Variants in COG6 observed in about 807,000 individuals in gnomAD.
COG6 encodes the protein conserved oligomeric Golgi complex subunit 6.
In COG6, 74 loss-of-function variants were observed where a neutral mutation model predicts 88.8. That is an observed-to-expected ratio of 0.83 (90% CI 0.69 to 1.01). The LOEUF is 1.01. Among genes scored for constraint, COG6 ranks in the 50% least tolerant of loss-of-function variants. The probability of loss-of-function intolerance (pLI) is 0.00; values close to 1 mark genes in which losing one functional copy is unlikely to be tolerated. For synonymous variants in COG6, 286 were observed against 278.7 expected, an observed-to-expected ratio of 1.03 and a Z score of -0.26; for missense variants, 800 against 797.9, an observed-to-expected ratio of 1.00 and a Z score of -0.03.
rs1386107853 is a variant in COG6, at chr13:39,682,223, A to G, written c.747A>G (p.Thr249=). Residue 249 remains threonine, a synonymous_variant, in exon 8 of 19, where the codon ACA becomes ACG. Coordinates refer to ENST00000455146, the MANE Select transcript of COG6 (RefSeq NM_020751.3). ...CATGTGACGTATCTCCAGTATTGACACAGGCAATGGAAGCCCTGCAGGACA... is the reference window on the plus strand; with the variant it reads ...CATGTGACGTATCTCCAGTATTGACGCAGGCAATGGAAGCCCTGCAGGACA... ...QESCDVSPVL[T]QAMEALQDRP... The G allele has an allele frequency of 1.2e-6, 2 of 1,613,004 alleles. No individual in the cohort carries two copies. The highest frequency in any genetic ancestry group is 1.7e-5 in the Admixed American group (1 of 60,008).
intron 1 of COG6, 128 bp from the exon 2 acceptor site, chr13:39,659,236 A>G: frequency 1.2e-6 from 1 of 829,942 alleles, no homozygotes; most frequent in Non-Finnish European, 2.0e-6. Flanking sequence ...TTTGAAGGTC[A>G]TTCAATATTT....
chr13:39,706,007 A>G (rs1376116375), intron 13 of COG6, among the ~76,000 whole-genome samples: 1 of 151,966 alleles, frequency 6.6e-6, no homozygotes, highest in Non-Finnish European at 1.5e-5. Context: ...TATTTAAAAA[A>G]ATAAAAGTGT....
intron 18 of COG6, among the ~76,000 whole-genome samples, chr13:39,770,894 T>C (rs928410373): frequency 6.6e-6 from 1 of 152,188 alleles, no homozygotes; most frequent in East Asian, 1.9e-4. Context: ...AGAGGTTTTT[T>C]CAAAAGGACT....
intron 18 of COG6, among the ~76,000 whole-genome samples, chr13:39,775,678 A>C (rs946469291): frequency 2.0e-5 from 3 of 152,230 alleles, no homozygotes; most frequent in Non-Finnish European, 4.4e-5. Context: ...TTTACATTTT[A>C]ATACAATACC....
chr13:39,729,282 TTCA>T (rs1275160995), intron 18 of COG6, among the ~76,000 whole-genome samples: 1 of 152,062 alleles, frequency 6.6e-6, no homozygotes, highest in African/African-American at 2.4e-5. Flanking sequence ...ATGGAACAGT[TTCA>T]TCCCAAAACC....
At chr13:39,713,854 TTC>T (rs1246113389) in intron 13 of COG6, among the ~76,000 whole-genome samples, 2 of 152,250 alleles carry the variant, frequency 1.3e-5, no homozygotes, top group African/African-American at 4.8e-5. Context: ...TAGATTTTCT[TTC>T]TGTTATTCTG....
At chr13:39,682,543 T>C in intron 8 of COG6, 1 of 339,078 alleles carries the variant, frequency 2.9e-6, no homozygotes. Context: ...CCCTGTCGTC[T>C]CATTAACTCC....
intron 18 of COG6, among the ~76,000 whole-genome samples, chr13:39,744,748 CTACTT>C (rs1880245127): frequency 6.6e-6 from 1 of 152,108 alleles, no homozygotes; most frequent in African/African-American, 2.4e-5. Context: ...GGAAAAAAAA[CTACTT>C]TAAAGTTCAT....
chr13:39,675,444 T>C (rs1875911386), intron 4 of COG6, among the ~76,000 whole-genome samples: 1 of 152,154 alleles, frequency 6.6e-6, no homozygotes, highest in African/African-American at 2.4e-5. Flanking sequence ...TAGAGTAATA[T>C]GATAATAAAA....
chr13:39,762,956 G>C (rs895231937), intron 18 of COG6, among the ~76,000 whole-genome samples: 1 of 151,586 alleles, frequency 6.6e-6, no homozygotes, highest in African/African-American at 2.4e-5. Context: ...TATCAGAGAG[G>C]AAGTTATTTT....
At chr13:39,756,967 A>T (rs1392275531), downstream of COG6, among the ~76,000 whole-genome samples, 4 of 152,206 alleles carry the variant, frequency 2.6e-5, no homozygotes, top group African/African-American at 9.6e-5. Flanking sequence ...AACACTCAGT[A>T]GCTATTCTAA....
chr13:39,732,583 C>T (rs538140559), intron 18 of COG6, among the ~76,000 whole-genome samples: 218 of 152,246 alleles, frequency 1.4e-3, no homozygotes, highest in African/African-American at 4.7e-3. Flanking sequence ...AATTAGAATT[C>T]TAGAATTCAG....
At chr13:39,766,138 C>G (rs1010361919) in intron 18 of COG6, among the ~76,000 whole-genome samples, 1 of 152,186 alleles carries the variant, frequency 6.6e-6, no homozygotes, top group Non-Finnish European at 1.5e-5. Context: ...CCCATCTGCC[C>G]CTCCATCTGC....
At position 39,724,519 on chromosome 13, in the gene COG6, T is replaced by C; in HGVS notation, c.1704T>C (p.Ala568=). The stretch of plus-strand genomic sequence containing the variant: ...TTTTTTTTAAATAGGGCTCTTTAGC[T>C]AATATGCCCAACCTAGATTCTGTGA... ...QQHKPEQGSL[A]NMPNLDSVTL... The change falls in exon 17 of 19, where the codon GCT becomes GCC. Residue 568 remains alanine (A), a synonymous_variant. Coordinates refer to ENST00000455146, the MANE Select transcript of COG6 (RefSeq NM_020751.3). 6.6e-7 allele frequency: 1 copy of C among 1,515,114 alleles called. No homozygotes were observed. Among genetic ancestry groups the C allele is most frequent in the Non-Finnish European group, 9.1e-7 (1 of 1,096,254 alleles). The allele number at this position is 1,515,114 out of a possible 1,614,324, so 93.9% of individuals were successfully genotyped here.
intron 3 of COG6, chr13:39,664,237 T>C (rs1200166986): frequency 2.6e-5 from 4 of 154,212 alleles, no homozygotes; most frequent in Admixed American, 2.0e-4. Context: ...GTATTTTCTC[T>C]TTAACAGACT....
downstream of COG6, chr13:39,752,664 A>G (rs1394076828): frequency 3.1e-5 from 38 of 1,222,804 alleles, no homozygotes; most frequent in Non-Finnish European, 3.9e-5. Flanking sequence ...TCCTGTAGAT[A>G]TATATCCTAT....
intron 13 of COG6, among the ~76,000 whole-genome samples, chr13:39,710,890 T>A (rs9548892): frequency 0.21 from 31,315 of 151,794 alleles, 3,865 homozygotes; most frequent in Non-Finnish European, 0.28. Flanking sequence ...AAGAAAAATT[T>A]TAACTTTACC....
intron 18 of COG6, among the ~76,000 whole-genome samples, chr13:39,738,911 G>A (rs9576894): frequency 0.5 from 75,245 of 151,856 alleles, 19,130 homozygotes; most frequent in South Asian, 0.69. Flanking sequence ...TTGATGAGGA[G>A]TAGCTGTATC....
downstream of COG6, among the ~76,000 whole-genome samples, chr13:39,757,177 G>A (rs1880864062): frequency 6.6e-6 from 1 of 151,996 alleles, no homozygotes; most frequent in Admixed American, 6.5e-5. Context: ...ATAACAAAAG[G>A]AAATTTTTAA....
Sources: gnomAD v4.1 joint callset for allele counts (sites outside exome capture counted in the v4.1 genomes callset) on GRCh38, gnomAD v4.1.1 for gene constraint, MANE v1.5 for transcripts, NCBI Gene and HGNC (gene_info 2026-07-23, HGNC 2026-07-21) for gene names.